The following TANC2 variants were observed in gnomAD, a reference collection of about 807,000 sequenced individuals.
TANC2 encodes protein TANC2.
Under a neutral mutation model 210.5 loss-of-function variants are expected in TANC2, and 26 were observed. That is an observed-to-expected ratio of 0.12 (90% CI 0.09 to 0.17). The LOEUF is 0.17. Ranked by LOEUF, TANC2 falls within the 10% of genes least tolerant of loss-of-function variation. The probability of loss-of-function intolerance (pLI) is 1.00; values close to 1 mark genes in which losing one functional copy is unlikely to be tolerated. For missense variants in TANC2, 2,129 were observed against 2,608.9 expected, an observed-to-expected ratio of 0.82 and a Z score of 4.01; for synonymous variants, 931 against 967.1, an observed-to-expected ratio of 0.96 and a Z score of 0.69.
At chr17:63,138,225 T>G (rs1361657727) in intron 4 of TANC2, among the ~76,000 whole-genome samples, 1 of 152,196 alleles carries the variant, frequency 6.6e-6, no homozygotes, top group East Asian at 1.9e-4. Context: ...CTGTTGGAAC[T>G]ACATTATAGA....
intron 8 of TANC2, among the ~76,000 whole-genome samples, chr17:63,239,458 T>C (rs1365507642): frequency 1.3e-5 from 2 of 152,238 alleles, no homozygotes; most frequent in African/African-American, 4.8e-5. Context: ...GCTGATAGTG[T>C]AATGCTTCTT....
chr17:63,102,276 C>T (rs963820708), intron 4 of TANC2, among the ~76,000 whole-genome samples: 2 of 151,726 alleles, frequency 1.3e-5, no homozygotes, highest in Non-Finnish European at 2.9e-5. Flanking sequence ...CACCACTGCA[C>T]TCAGGCCTGG....
chr17:63,250,209 C>T (rs927521953), intron 8 of TANC2, among the ~76,000 whole-genome samples: 1 of 151,868 alleles, frequency 6.6e-6, no homozygotes. Context: ...TGTTTTTCTG[C>T]TTTCTCCATT....
chr17:63,207,769 T>A (rs918796042), intron 7 of TANC2, among the ~76,000 whole-genome samples: 5 of 152,198 alleles, frequency 3.3e-5, no homozygotes, highest in Admixed American at 6.5e-5. Flanking sequence ...GTCAGATTAT[T>A]AGAAATGTGT....
chr17:63,118,251 T>G (rs2038327187), intron 4 of TANC2, among the ~76,000 whole-genome samples: 1 of 152,244 alleles, frequency 6.6e-6, no homozygotes, highest in Non-Finnish European at 1.5e-5. Context: ...TTTCTTAGTT[T>G]AAGAATTTTT....
At chr17:63,179,164 C>A (rs1334587388) in intron 5 of TANC2, among the ~76,000 whole-genome samples, 1 of 152,102 alleles carries the variant, frequency 6.6e-6, no homozygotes, top group Non-Finnish European at 1.5e-5. Context: ...CCCCGTGAGA[C>A]TATAAACTCC....
At chr17:63,139,690 C>A (rs1342611503) in intron 4 of TANC2, among the ~76,000 whole-genome samples, 1 of 152,132 alleles carries the variant, frequency 6.6e-6, no homozygotes, top group African/African-American at 2.4e-5. Context: ...TTGCTTGAAG[C>A]AAGGAGTTTG....
rs34888723 is a variant in TANC2, at chr17:63,391,725, CTTTTTT to C, written c.3051+2195_3051+2200del. The C allele has an allele frequency of 4.4e-5, 6 of 135,082 alleles. No individual in the cohort carries two copies. In the East Asian group the frequency reaches 1.3e-3, roughly 29 times the overall value. 8.4% of individuals were successfully genotyped at this position (135,082 alleles called of 1,614,324 possible). On this transcript the variant is annotated intron_variant, in intron 17 of 27. Transcript: ENST00000689528. ...CTCCATAGTATTAGCAATAATAAAC[CTTTTTT>C]TTTTTTTTTTTTTAAACAGAGCCTG...
intron 9 of TANC2, among the ~76,000 whole-genome samples, chr17:63,286,916 G>GTGTT (rs573499946): frequency 6.6e-6 from 1 of 151,980 alleles, no homozygotes; most frequent in Admixed American, 6.6e-5. Flanking sequence ...GGGTGTGTGT[G>GTGTT]TGTTTGTTTG....
chr17:63,055,638 C>T (rs142590444), intron 2 of TANC2, among the ~76,000 whole-genome samples: 1 of 145,192 alleles, frequency 6.9e-6, no homozygotes, highest in Admixed American at 6.9e-5. Context: ...CAGTATTATG[C>T]AAACATCTTC....
chr17:63,328,670 A>C (rs541504837), intron 11 of TANC2, among the ~76,000 whole-genome samples: 7 of 149,292 alleles, frequency 4.7e-5, no homozygotes, highest in South Asian at 2.3e-4. Flanking sequence ...TGTTGATCAC[A>C]GGTGATCAAC....
Position 63,132,960 on chromosome 17 carries a change from G to A in TANC2, c.323-18310G>A, listed in dbSNP as rs116216584. Among the ~76,000 whole-genome samples, 378 of 152,156 alleles carry A rather than the reference G, an allele frequency of 2.5e-3. 2 individuals are homozygous for A. The highest frequency in any genetic ancestry group is 8.8e-3 in the African/African-American group (366 of 41,530). On this transcript the variant is annotated intron_variant, in intron 4 of 27. Transcript: ENST00000689528. ...CACAATGTTCACATATATGCAAATA[G>A]TAGCAGGGGTTTTTTTTGTTTTTTG... is the stretch of plus-strand genomic sequence containing the variant.
chr17:63,398,446 A>T (rs2048237577), intron 18 of TANC2, among the ~76,000 whole-genome samples: 2 of 150,080 alleles, frequency 1.3e-5, no homozygotes, highest in African/African-American at 2.5e-5. Context: ...ACAGAACGAG[A>T]CCCTGTCTCA....
intron 9 of TANC2, among the ~76,000 whole-genome samples, chr17:63,275,458 A>C (rs979752033): frequency 3.9e-5 from 6 of 152,150 alleles, no homozygotes; most frequent in African/African-American, 1.4e-4. Flanking sequence ...GCTTCACACC[A>C]TTTATGAGTC....
At chr17:63,276,536 T>C (rs892858625) in intron 9 of TANC2, among the ~76,000 whole-genome samples, 2 of 151,768 alleles carry the variant, frequency 1.3e-5, no homozygotes, top group African/African-American at 4.8e-5. Context: ...ATCTTTGTTC[T>C]CTTTCTGAAA....
At chr17:63,364,304 C>T (rs917541902) in intron 14 of TANC2, among the ~76,000 whole-genome samples, 6 of 152,142 alleles carry the variant, frequency 3.9e-5, no homozygotes, top group Admixed American at 1.3e-4. Flanking sequence ...GCAAACTGTT[C>T]CCATCTTTCA....
At chr17:63,206,087 C>A (rs1200089764) in intron 7 of TANC2, among the ~76,000 whole-genome samples, 3 of 152,130 alleles carry the variant, frequency 2.0e-5, no homozygotes, top group Admixed American at 6.5e-5. Flanking sequence ...GGCCAATAGA[C>A]ACATGAAAAG....
intron 5 of TANC2, among the ~76,000 whole-genome samples, chr17:63,162,687 T>C (rs142653396): frequency 1.3e-5 from 2 of 152,198 alleles, no homozygotes; most frequent in East Asian, 3.9e-4. Context: ...AGTAGGTAGA[T>C]ATGGTGACGT....
intron 1 of TANC2, among the ~76,000 whole-genome samples, chr17:62,997,116 CTT>C (rs74374010): frequency 2.5e-4 from 30 of 120,892 alleles, no homozygotes; most frequent in Admixed American, 6.0e-4. Flanking sequence ...CACCCAGCCT[CTT>C]TTTTTTTTTT....
Sources: allele counts gnomAD v4.1 joint callset (sites outside exome capture counted in the v4.1 genomes callset), GRCh38; gene constraint gnomAD v4.1.1; transcripts MANE v1.5; gene names NCBI Gene and HGNC (gene_info 2026-07-23, HGNC 2026-07-21).